The following CALD1 variants were observed in gnomAD, a reference collection of about 807,000 sequenced individuals.
The protein encoded by CALD1 is caldesmon 1.
In CALD1, 33 loss-of-function variants were observed where a neutral mutation model predicts 99.9. That is an observed-to-expected ratio of 0.33 (90% CI 0.25 to 0.44). The LOEUF (loss-of-function observed/expected upper bound fraction) is 0.44. Ranked by LOEUF, CALD1 falls within the 20% of genes least tolerant of loss-of-function variation. The pLI is 1.00. For missense variants in CALD1, 861 were observed against 962.1 expected (o/e 0.89, Z 1.39); for synonymous variants, 310 against 325.0 (o/e 0.95, Z 0.50).
chr7:134,941,300 C>G, intron 7 of CALD1, 63 bp downstream of exon 7: 1 of 1,213,276 alleles, frequency 8.2e-7, no homozygotes, highest in Non-Finnish European at 1.2e-6. Context: ...AAAAAAAAGT[C>G]AGTCTTCCCA....
At chr7:134,888,021 A>G (rs1801961980) in intron 3 of CALD1, among the ~76,000 whole-genome samples, 1 of 152,326 alleles carries the variant, frequency 6.6e-6, no homozygotes, top group South Asian at 2.1e-4. Flanking sequence ...TCTGGAACAG[A>G]TCTTGTGGTC....
chr7:134,779,338 CA>C, upstream of CALD1: 8 of 238,974 alleles, frequency 3.3e-5, no homozygotes, highest in East Asian at 1.6e-4. Context: ...TAAGGATAAC[CA>C]AAAAAGGGCA....
intron 1 of CALD1, among the ~76,000 whole-genome samples, chr7:134,748,666 GT>G (rs1796657148): frequency 1.3e-5 from 2 of 152,202 alleles, no homozygotes; most frequent in South Asian, 4.2e-4. Flanking sequence ...AGCCAAGATT[GT>G]GCCATTGCAT....
intron 3 of CALD1, among the ~76,000 whole-genome samples, chr7:134,919,366 G>A (rs1804447142): frequency 6.6e-6 from 1 of 152,148 alleles, no homozygotes; most frequent in African/African-American, 2.4e-5. Context: ...GACTGCTATG[G>A]TATGTGTAGA....
intron 13 of CALD1, among the ~76,000 whole-genome samples, chr7:134,963,913 T>C (rs569041348): frequency 3.9e-5 from 6 of 152,196 alleles, no homozygotes; most frequent in African/African-American, 1.4e-4. Context: ...AAAAGGGACT[T>C]TGTGGCTGGG....
the CALD1 span, among the ~76,000 whole-genome samples, chr7:134,726,084 T>A: frequency 6.6e-6 from 1 of 152,040 alleles, no homozygotes; most frequent in South Asian, 2.1e-4. Context: ...CTTAACTGAA[T>A]CTTATAACAA....
chr7:134,798,918 G>C (rs1449914721), intron 1 of CALD1, among the ~76,000 whole-genome samples: 1 of 152,178 alleles, frequency 6.6e-6, no homozygotes. Context: ...AATCTGCTTG[G>C]ATTGGGGCTT....
chr7:134,936,768 TTTCTG>T (rs1217896087), intron 6 of CALD1, among the ~76,000 whole-genome samples: 5 of 152,234 alleles, frequency 3.3e-5, no homozygotes, highest in African/African-American at 1.2e-4. Context: ...ACATATTACA[TTTCTG>T]TTAAGATGTA....
intron 2 of CALD1, among the ~76,000 whole-genome samples, chr7:134,863,442 T>C (rs1423961665): frequency 6.6e-6 from 1 of 152,232 alleles, no homozygotes; most frequent in East Asian, 1.9e-4. Flanking sequence ...TTCTTCCACA[T>C]GGCCTTGTCC....
intron 3 of CALD1, chr7:134,928,169 C>T (rs1805191757): frequency 4.5e-6 from 1 of 221,500 alleles, no homozygotes; most frequent in Non-Finnish European, 9.9e-6. Flanking sequence ...CGGTGGCTCA[C>T]GCCTGTAATC....
chr7:134,889,089 A>T (rs183599632), intron 3 of CALD1, among the ~76,000 whole-genome samples: 1 of 152,350 alleles, frequency 6.6e-6, no homozygotes, highest in Admixed American at 6.5e-5. Context: ...TCAGGAGGTG[A>T]TAGCTTTCTC....
intron 1 of CALD1, among the ~76,000 whole-genome samples, chr7:134,753,009 C>T (rs866085126): frequency 1.2e-4 from 5 of 41,710 alleles, no homozygotes; most frequent in South Asian, 3.2e-3. Context: ...GACTCTGTAT[C>T]GAAAAAAAAA....
At chr7:134,900,113 C>T (rs1352383571) in intron 3 of CALD1, 1 of 151,334 alleles carries the variant, frequency 6.6e-6, no homozygotes, top group Non-Finnish European at 1.5e-5. Context: ...GAAAATAATT[C>T]CCTTTTGTCC....
chr7:134,928,877 G>C lies in CALD1; in HGVS notation c.195G>C (p.Gln65His), dbSNP rs780533286. The C allele has an allele frequency of 6.8e-6, 11 of 1,613,526 alleles. No individual in the cohort carries two copies. In the South Asian group the frequency reaches 1.2e-4, roughly 18 times the overall value. The change falls in exon 4 of 15, where the codon CAG becomes CAC. Residue 65 changes from glutamine to histidine, a missense_variant. Gln to His is a conservative substitution (Grantham distance 24). Coordinates refer to ENST00000361675, the MANE Select transcript of CALD1 (RefSeq NM_033138.4). ...AATCCTTGGGACAGGTGACCGACCA[G>C]GTGGAGGTGAATGCCCAGAACAGGT... ...EEESLGQVTD[Q>H]VEVNAQNSVP...
chr7:134,749,600 C>T (rs574447110), intron 1 of CALD1, among the ~76,000 whole-genome samples: 6 of 152,002 alleles, frequency 3.9e-5, no homozygotes, highest in South Asian at 2.1e-4. Flanking sequence ...GCAAAAAGAG[C>T]GAAAAAAAGC....
chr7:134,924,473 T>C (rs1198787829), intron 3 of CALD1, among the ~76,000 whole-genome samples: 1 of 152,170 alleles, frequency 6.6e-6, no homozygotes, highest in Non-Finnish European at 1.5e-5. Flanking sequence ...ACTGTTTGCT[T>C]TGCTTGCCTA....
chr7:134,931,442 A>G (rs531274633), intron 4 of CALD1, among the ~76,000 whole-genome samples: 3 of 152,296 alleles, frequency 2.0e-5, no homozygotes, highest in African/African-American at 4.8e-5. Flanking sequence ...GTCTAATTTC[A>G]TGGAGGCAAT....
chr7:134,910,242 TA>T (rs1447191684), intron 3 of CALD1, among the ~76,000 whole-genome samples: 1 of 152,214 alleles, frequency 6.6e-6, no homozygotes, highest in Non-Finnish European at 1.5e-5. Context: ...AACTAACTGA[TA>T]AACCTAACTC....
chr7:134,901,483 G>A (rs186357795), intron 3 of CALD1, among the ~76,000 whole-genome samples: 28 of 152,224 alleles, frequency 1.8e-4, no homozygotes, highest in Admixed American at 5.2e-4. Flanking sequence ...GGGTATGTAG[G>A]AGATGAATCT....
Sources: allele counts gnomAD v4.1 joint callset (sites outside exome capture counted in the v4.1 genomes callset), GRCh38; gene constraint gnomAD v4.1.1; transcripts MANE v1.5; gene names NCBI Gene and HGNC (gene_info 2026-07-23, HGNC 2026-07-21).